Variants in UBE2O observed in about 807,000 individuals in gnomAD.
UBE2O encodes (E3-independent) E2 ubiquitin-conjugating enzyme.
UBE2O carries 15 observed loss-of-function variants against 125.8 expected under a neutral mutation model. The observed-to-expected ratio is 0.12, with a 90% CI of 0.08 to 0.18. The LOEUF (loss-of-function observed/expected upper bound fraction) is 0.18, where lower values mean the gene tolerates loss of function less well. Among genes scored for constraint, UBE2O ranks in the 10% least tolerant of loss-of-function variants. The pLI, the probability that UBE2O is intolerant of heterozygous loss-of-function variation, is 1.00. For synonymous variants in UBE2O, 708 were observed against 703.2 expected (o/e 1.01, Z -0.11); for missense variants, 1,280 against 1,723.6 (o/e 0.74, Z 4.56).
chr17:76,408,777 C>A (rs1374129981), intron 1 of UBE2O, among the ~76,000 whole-genome samples: 1 of 152,118 alleles, frequency 6.6e-6, no homozygotes, highest in Non-Finnish European at 1.5e-5. Flanking sequence ...TCTGGGAAAG[C>A]ACCAGATTTG....
At chr17:76,441,684 C>A (rs894273375) in intron 1 of UBE2O, among the ~76,000 whole-genome samples, 1 of 152,222 alleles carries the variant, frequency 6.6e-6, no homozygotes, top group Non-Finnish European at 1.5e-5. Flanking sequence ...GGAATTAGGA[C>A]AATTTGCATT....
At chr17:76,445,609 C>T (rs1456696061) in intron 1 of UBE2O, among the ~76,000 whole-genome samples, 1 of 152,184 alleles carries the variant, frequency 6.6e-6, no homozygotes, top group Non-Finnish European at 1.5e-5. Flanking sequence ...ACAAAGCTGA[C>T]CCAAGGATCC....
In UBE2O at chr17:76,410,694, T is replaced by C. The variant is rs1018154510; in HGVS notation, c.418-5122A>G. 1.3e-5 allele frequency among the ~76,000 whole-genome samples: 2 copies of C among 152,146 alleles called. No individual in the cohort carries two copies. The highest frequency in any genetic ancestry group is 2.9e-5 in the Non-Finnish European group (2 of 68,022). ...GCCCCATTTGAGCTCCCCGAAGCTATGCTGGGGGCCACTCAGAGCAGGCAT... is the reference window on the plus strand; with the variant it reads ...GCCCCATTTGAGCTCCCCGAAGCTACGCTGGGGGCCACTCAGAGCAGGCAT... On this transcript the variant is annotated intron_variant, in intron 1 of 17. Transcript: ENST00000319380. The surrounding 1 kb of genome is among the most constrained non-coding windows in gnomAD (Gnocchi z 4.0).
chr17:76,438,995 C>G (rs763762484), intron 1 of UBE2O, among the ~76,000 whole-genome samples: 9 of 152,174 alleles, frequency 5.9e-5, no homozygotes, highest in Non-Finnish European at 1.0e-4. Flanking sequence ...CGCCAAATCA[C>G]CCATTGTAAA....
chr17:76,430,567 C>A, intron 1 of UBE2O: 1 of 262,660 alleles, frequency 3.8e-6, no homozygotes, highest in Non-Finnish European at 7.8e-6. Context: ...ATCAGATCCT[C>A]GATGCAGATG....
rs1262117327 is a variant in UBE2O at position 76,402,564 on chromosome 17, C to T, written c.686+38G>A. On this transcript the variant is annotated intron_variant, in intron 4 of 17. Transcript: ENST00000319380. This position sits in a 1 kb window ranked among gnomAD's most constrained non-coding sequence, Gnocchi z 5.4. ...CCTCCCCTCTTTCCAAGAGGCTATCCTTCCCAAGCCGATGGCTCTCTGGTG... is the reference window on the plus strand; with the variant it reads ...CCTCCCCTCTTTCCAAGAGGCTATCTTTCCCAAGCCGATGGCTCTCTGGTG... 1.3e-6 allele frequency: 2 copies of T among 1,571,616 alleles called. No individual in the cohort carries two copies. The highest frequency in any genetic ancestry group is 2.7e-5 in the African/African-American group (2 of 74,082).
At chr17:76,397,466 A>G (rs2072233783) in intron 13 of UBE2O, among the ~76,000 whole-genome samples, 1 of 152,202 alleles carries the variant, frequency 6.6e-6, no homozygotes. Context: ...AGCTTTCTAA[A>G]AAGGGTGGTA....
At chr17:76,394,849 G>A (rs2072177289) in intron 15 of UBE2O, among the ~76,000 whole-genome samples, 1 of 151,954 alleles carries the variant, frequency 6.6e-6, no homozygotes, top group Non-Finnish European at 1.5e-5. Flanking sequence ...TAGGCTTGAG[G>A]AGTAATCATA....
intron 3 of UBE2O, among the ~76,000 whole-genome samples, chr17:76,403,536 T>TGTTG (rs2072366069): frequency 6.6e-6 from 1 of 152,106 alleles, no homozygotes; most frequent in African/African-American, 2.4e-5. Flanking sequence ...CCTCTCAAAG[T>TGTTG]GTTGGGATTA....
intron 1 of UBE2O, among the ~76,000 whole-genome samples, chr17:76,443,290 T>C (rs537372447): frequency 7.9e-5 from 12 of 151,756 alleles, no homozygotes; most frequent in Non-Finnish European, 1.3e-4. Context: ...GGAATATATA[T>C]ATATATTTTT....
intron 15 of UBE2O, among the ~76,000 whole-genome samples, chr17:76,392,750 C>T (rs899211149): frequency 9.2e-5 from 14 of 151,906 alleles, no homozygotes; most frequent in Non-Finnish European, 1.5e-4. Flanking sequence ...GTCAGGAGTT[C>T]AAGAGCAGTC....
chr17:76,446,690 G>A (rs1376080822), intron 1 of UBE2O, among the ~76,000 whole-genome samples: 30 of 152,200 alleles, frequency 2.0e-4, no homozygotes, highest in Admixed American at 1.6e-3. Flanking sequence ...GAGCGGACAG[G>A]AGGTCAAGTT....
At chr17:76,401,190 G>C in intron 5 of UBE2O, 36 bp from the exon 6 acceptor site, 1 of 1,609,262 alleles carries the variant, frequency 6.2e-7, no homozygotes, top group Non-Finnish European at 8.5e-7. Context: ...GTCCCCGTGA[G>C]CGGTGTCTCC....
At chr17:76,415,775 G>A (rs2072590808) in intron 1 of UBE2O, among the ~76,000 whole-genome samples, 2 of 151,272 alleles carry the variant, frequency 1.3e-5, no homozygotes, top group East Asian at 2.0e-4. Context: ...CTGCACTCCA[G>A]CTTGGGCAAC....
intron 1 of UBE2O, among the ~76,000 whole-genome samples, chr17:76,447,921 C>G (rs1229346157): frequency 1.3e-5 from 2 of 152,178 alleles, no homozygotes; most frequent in Admixed American, 6.5e-5. Context: ...AAGTGGCCAT[C>G]CTAGGCTTGA....
At chr17:76,420,205 C>T (rs1411957944) in intron 1 of UBE2O, among the ~76,000 whole-genome samples, 2 of 152,162 alleles carry the variant, frequency 1.3e-5, no homozygotes. Context: ...GAAAAGGAGC[C>T]ACTCAGCAGT....
chr17:76,401,879 A>C, intron 5 of UBE2O, 185 bp downstream of exon 5: 1 of 400,100 alleles, frequency 2.5e-6, no homozygotes. Context: ...GTCTCAAAAA[A>C]AAAAAAAAAA....
At chr17:76,419,362 A>G (rs2143797149) in intron 1 of UBE2O, among the ~76,000 whole-genome samples, 1 of 151,996 alleles carries the variant, frequency 6.6e-6, no homozygotes, top group Admixed American at 6.6e-5. Context: ...ATTTGTCTTT[A>G]ATTAAAAAAA....
chr17:76,435,490 G>C (rs1267188649), intron 1 of UBE2O, among the ~76,000 whole-genome samples: 2 of 151,216 alleles, frequency 1.3e-5, no homozygotes, highest in Non-Finnish European at 1.5e-5. Flanking sequence ...TTGGCCTTAC[G>C]AGGCAGACAA....
Sources: gnomAD v4.1 joint callset for allele counts (sites outside exome capture counted in the v4.1 genomes callset) on GRCh38, gnomAD v4.1.1 for gene constraint, Gnocchi (gnomAD v3.1) non-coding constraint, MANE v1.5 for transcripts, NCBI Gene and HGNC (gene_info 2026-07-23, HGNC 2026-07-21) for gene names.